The following KIAA1958 variants were observed in gnomAD, a reference collection of about 807,000 sequenced individuals.
KIAA1958 encodes the protein uncharacterized protein KIAA1958.
Under a neutral mutation model 47.2 loss-of-function variants are expected in KIAA1958, and 14 were observed. The observed-to-expected ratio is 0.30, with a 90% CI of 0.20 to 0.46. KIAA1958 has a LOEUF of 0.46. Among genes scored for constraint, KIAA1958 ranks in the 20% least tolerant of loss-of-function variants. The pLI is 1.00. For missense variants in KIAA1958, 803 were observed against 909.2 expected, an observed-to-expected ratio of 0.88 and a Z score of 1.50; for synonymous variants, 354 against 353.3, an observed-to-expected ratio of 1.00 and a Z score of -0.02.
At chr9:112,539,692 C>A (rs569239479) in intron 1 of KIAA1958, among the ~76,000 whole-genome samples, 1 of 150,338 alleles carries the variant, frequency 6.7e-6, no homozygotes, top group African/African-American at 2.5e-5. Flanking sequence ...ATTTTTTTTG[C>A]GGGGGTGGGG....
intron 3 of KIAA1958, among the ~76,000 whole-genome samples, chr9:112,647,825 A>G (rs182141265): frequency 1.1e-3 from 169 of 152,344 alleles, no homozygotes; most frequent in Non-Finnish European, 2.0e-3. Context: ...CTGAACTGCA[A>G]TGAAGGGAGG....
chr9:112,495,916 C>T (rs1263571405), intron 1 of KIAA1958, among the ~76,000 whole-genome samples: 4 of 152,164 alleles, frequency 2.6e-5, no homozygotes, highest in Non-Finnish European at 5.9e-5. Flanking sequence ...TATATAAGGA[C>T]GTCCTGGAGT....
chr9:112,529,469 C>T (rs1438271400), intron 1 of KIAA1958, among the ~76,000 whole-genome samples: 2 of 152,200 alleles, frequency 1.3e-5, no homozygotes, highest in Non-Finnish European at 2.9e-5. Context: ...ACCTTAGGAT[C>T]CTCTGAGCTG....
intron 1 of KIAA1958, among the ~76,000 whole-genome samples, chr9:112,557,379 C>T (rs1364918328): frequency 6.6e-6 from 1 of 152,166 alleles, no homozygotes; most frequent in African/African-American, 2.4e-5. Context: ...GATCACAGAG[C>T]ACAAAGATGC....
chr9:112,541,072 A>G (rs150883948), intron 1 of KIAA1958, among the ~76,000 whole-genome samples: 70 of 152,044 alleles, frequency 4.6e-4, no homozygotes, highest in African/African-American at 1.6e-3. Context: ...TTTTTGATCC[A>G]TTACTTTTTT....
chr9:112,552,396 A>C (rs1005015746), intron 1 of KIAA1958, among the ~76,000 whole-genome samples: 9 of 152,222 alleles, frequency 5.9e-5, no homozygotes, highest in African/African-American at 2.2e-4. Context: ...CACCGTGTTC[A>C]TAGTAATCCA....
chr9:112,530,595 TA>T (rs1275742248), intron 1 of KIAA1958, among the ~76,000 whole-genome samples: 1 of 152,232 alleles, frequency 6.6e-6, no homozygotes, highest in African/African-American at 2.4e-5. Context: ...TATATAGGGT[TA>T]CAGATTTTCT....
chr9:112,627,387 A>C (rs1836635182), intron 2 of KIAA1958, among the ~76,000 whole-genome samples: 1 of 152,222 alleles, frequency 6.6e-6, no homozygotes, highest in South Asian at 2.1e-4. Context: ...TGAACAGTGT[A>C]ATAGCAGAGG....
rs1371008722 is a variant in KIAA1958 at position 112,515,309 on chromosome 9, G to C, written c.-25+28191G>C. Among the ~76,000 whole-genome samples, 574 of 137,182 alleles carry C rather than the reference G, an allele frequency of 4.2e-3. 4 individuals are homozygous for C. Among genetic ancestry groups the C allele is most frequent in the African/African-American group, 0.014 (544 of 37,652 alleles). The allele number at this position is 137,182 out of a possible 152,430, so 90.0% of individuals were successfully genotyped here. A position where few individuals can be genotyped will look rare whatever the true frequency, so the allele number is the denominator to read the frequency against. On this transcript the variant is annotated intron_variant, in intron 1 of 3. Transcript: ENST00000337530. The stretch of plus-strand genomic sequence containing the variant: ...CCAGCCGCCCCGTCCGGGAGGTGAG[G>C]GGCGCCTCTGCCCGGCCGCCCCTAC...
intron 1 of KIAA1958, among the ~76,000 whole-genome samples, chr9:112,525,193 G>A (rs1350937305): frequency 6.6e-6 from 1 of 152,198 alleles, no homozygotes; most frequent in Non-Finnish European, 1.5e-5. Flanking sequence ...AGTACATGTT[G>A]ACTCTTTAAT....
chr9:112,624,525 A>T (rs1836570504), intron 2 of KIAA1958, among the ~76,000 whole-genome samples: 1 of 152,236 alleles, frequency 6.6e-6, no homozygotes, highest in Non-Finnish European at 1.5e-5. Flanking sequence ...ATTTCTAGTG[A>T]TATAACAACA....
intron 1 of KIAA1958, among the ~76,000 whole-genome samples, chr9:112,527,868 C>T (rs868100835): frequency 4.7e-5 from 7 of 149,290 alleles, no homozygotes; most frequent in South Asian, 4.2e-4. Flanking sequence ...ACCTGGGAAG[C>T]GGAGGTTTCA....
chr9:112,541,144 T>G (rs139340840), intron 1 of KIAA1958, among the ~76,000 whole-genome samples: 249 of 152,320 alleles, frequency 1.6e-3, no homozygotes, highest in African/African-American at 5.3e-3. Flanking sequence ...TTCCAATATT[T>G]TTGGCTTATT....
At chr9:112,490,975 T>C (rs1398035639) in intron 1 of KIAA1958, among the ~76,000 whole-genome samples, 1 of 152,206 alleles carries the variant, frequency 6.6e-6, no homozygotes, top group East Asian at 1.9e-4. Flanking sequence ...GATATAACAT[T>C]ATGTTTTTTA....
chr9:112,606,639 A>G (rs1836241152), intron 2 of KIAA1958, among the ~76,000 whole-genome samples: 1 of 152,258 alleles, frequency 6.6e-6, no homozygotes, highest in African/African-American at 2.4e-5. Context: ...TCAGCATTAG[A>G]TAAAACAACA....
intron 2 of KIAA1958, among the ~76,000 whole-genome samples, chr9:112,577,699 G>A (rs1835671001): frequency 6.6e-6 from 1 of 151,708 alleles, no homozygotes; most frequent in Non-Finnish European, 1.5e-5. Context: ...TAGTAAATGA[G>A]GCACTGAGGC....
At chr9:112,523,795 A>G (rs1333190723) in intron 1 of KIAA1958, among the ~76,000 whole-genome samples, 1 of 152,202 alleles carries the variant, frequency 6.6e-6, no homozygotes, top group Non-Finnish European at 1.5e-5. Flanking sequence ...CTGAGGGAAC[A>G]CTTAGGTTTG....
In KIAA1958 at chr9:112,660,930, A is replaced by G. The variant is rs564268606; in HGVS notation, c.*861A>G. The stretch of plus-strand genomic sequence containing the variant: ...CCATGTGAGAGCTCCTTTGATTGGA[A>G]CATTTTTTGAGGTTTCTGTCTGTTC... On this transcript the variant is annotated 3_prime_UTR_variant, in exon 4 of 4. Transcript: ENST00000337530. 1 of 152,192 alleles carries G rather than the reference A, an allele frequency of 6.6e-6. No homozygotes were observed. The highest frequency in any genetic ancestry group is 1.5e-5 in the Non-Finnish European group (1 of 68,042). 9.4% of individuals were successfully genotyped at this position (152,192 alleles called of 1,614,324 possible).
chr9:112,538,328 G>C (rs1834888637), intron 1 of KIAA1958, among the ~76,000 whole-genome samples: 2 of 151,778 alleles, frequency 1.3e-5, no homozygotes, highest in South Asian at 4.2e-4. Flanking sequence ...CTCCAGCTTG[G>C]GTGACAAAGC....
Sources: gnomAD v4.1 joint callset for allele counts (sites outside exome capture counted in the v4.1 genomes callset) on GRCh38, gnomAD v4.1.1 for gene constraint, MANE v1.5 for transcripts, NCBI Gene and HGNC (gene_info 2026-07-23, HGNC 2026-07-21) for gene names.